The following CSMD1 variants were observed in gnomAD, a reference collection of about 807,000 sequenced individuals.
CSMD1 encodes CUB and sushi domain-containing protein 1.
CSMD1 carries 213 observed loss-of-function variants against 417.5 expected under a neutral mutation model. That is an observed-to-expected ratio of 0.51 (90% CI 0.46 to 0.57). CSMD1 has a LOEUF of 0.57. Ranked by LOEUF, CSMD1 falls within the 20% of genes least tolerant of loss-of-function variation. The probability of loss-of-function intolerance (pLI) is 0.00; values close to 1 mark genes in which losing one functional copy is unlikely to be tolerated. For synonymous variants in CSMD1, 2,862 were observed against 1,736.8 expected (o/e 1.65, Z -16.11); for missense variants, 6,923 against 4,529.7 (o/e 1.53, Z -15.17).
chr8:3,029,301 G>T lies in CSMD1; in HGVS notation c.7855+18C>A. 1 of 1,573,916 alleles carries T rather than the reference G, an allele frequency of 6.4e-7. No individual in the cohort carries two copies. The highest frequency in any genetic ancestry group is 1.2e-5 in the South Asian group (1 of 85,584). On this transcript the variant is annotated intron_variant, in intron 51 of 69. Coordinates refer to ENST00000635120, the MANE Select transcript of CSMD1 (RefSeq NM_033225.6). Reference sequence around the variant, plus strand: ...CTAGGATGCCGTGACTTTCAGGGGTGCCTCCCTCATCACTTACCTCGACAG... The same window carrying T: ...CTAGGATGCCGTGACTTTCAGGGGTTCCTCCCTCATCACTTACCTCGACAG...
chr8:4,426,747 G>A (rs953333792), intron 2 of CSMD1, among the ~76,000 whole-genome samples: 1 of 146,400 alleles, frequency 6.8e-6, no homozygotes, highest in African/African-American at 2.5e-5. Flanking sequence ...ATACAATATA[G>A]TAATATAGTA....
chr8:3,503,482 C>G (rs1010751112), intron 10 of CSMD1, among the ~76,000 whole-genome samples: 4 of 152,234 alleles, frequency 2.6e-5, no homozygotes, highest in African/African-American at 9.6e-5. Flanking sequence ...GGGACGGCGG[C>G]ATCAGCTGGC....
At chr8:3,911,019 G>A (rs541199473) in intron 5 of CSMD1, among the ~76,000 whole-genome samples, 16 of 152,262 alleles carry the variant, frequency 1.1e-4, no homozygotes, top group Non-Finnish European at 2.2e-4. Flanking sequence ...TTATTCAGGG[G>A]CTGCCCAGCT....
At chr8:4,913,093 C>A (rs528930630) in intron 1 of CSMD1, among the ~76,000 whole-genome samples, 1 of 152,086 alleles carries the variant, frequency 6.6e-6, no homozygotes, top group East Asian at 1.9e-4. Flanking sequence ...GTGGCCAGCA[C>A]CAGCTGCTTT....
intron 1 of CSMD1, among the ~76,000 whole-genome samples, chr8:4,922,258 A>G (rs564854777): frequency 6.6e-6 from 1 of 152,232 alleles, no homozygotes; most frequent in South Asian, 2.1e-4. Flanking sequence ...GATGATACGT[A>G]CACTGAATGT....
chr8:2,952,812 G>A (rs1208512009), intron 65 of CSMD1, among the ~76,000 whole-genome samples: 1 of 152,166 alleles, frequency 6.6e-6, no homozygotes, highest in Non-Finnish European at 1.5e-5. Context: ...GGTAGGGTAA[G>A]ATACAACCAA....
At chr8:4,675,106 G>C (rs1805592137) in intron 1 of CSMD1, among the ~76,000 whole-genome samples, 2 of 152,188 alleles carry the variant, frequency 1.3e-5, no homozygotes, top group South Asian at 2.1e-4. Flanking sequence ...CCAATCCATG[G>C]TATTTTGTTA....
At chr8:4,925,585 C>G (rs1028444979) in intron 1 of CSMD1, among the ~76,000 whole-genome samples, 4 of 148,756 alleles carry the variant, frequency 2.7e-5, no homozygotes, top group African/African-American at 7.4e-5. Flanking sequence ...CTCGCTCTGT[C>G]TCCCAGGCTG....
chr8:3,552,310 A>T (rs1322455963), intron 10 of CSMD1, among the ~76,000 whole-genome samples: 1 of 152,154 alleles, frequency 6.6e-6, no homozygotes, highest in Non-Finnish European at 1.5e-5. Flanking sequence ...GGCATGAAAA[A>T]ATAAGGTCAG....
At chr8:4,483,281 T>G (rs1221543601) in intron 2 of CSMD1, among the ~76,000 whole-genome samples, 1 of 152,198 alleles carries the variant, frequency 6.6e-6, no homozygotes, top group Non-Finnish European at 1.5e-5. Flanking sequence ...GTGAGTCCAA[T>G]AAACCTCTTT....
At chr8:3,030,391 T>C (rs1002477620) in intron 50 of CSMD1, among the ~76,000 whole-genome samples, 12 of 152,042 alleles carry the variant, frequency 7.9e-5, no homozygotes, top group Non-Finnish European at 1.8e-4. Flanking sequence ...ATTGATCAAA[T>C]TGATTAATTT....
intron 26 of CSMD1, among the ~76,000 whole-genome samples, chr8:3,239,469 C>T (rs1799358004): frequency 6.6e-6 from 1 of 152,252 alleles, no homozygotes; most frequent in Admixed American, 6.5e-5. Context: ...TCTACCTAGA[C>T]CAAGAGGTAT....
chr8:2,967,825 T>C (rs1276087382), intron 57 of CSMD1, among the ~76,000 whole-genome samples: 1 of 151,648 alleles, frequency 6.6e-6, no homozygotes, highest in African/African-American at 2.4e-5. Flanking sequence ...GAGAAGTCAC[T>C]GTACTGGGAG....
At chr8:4,897,325 A>C (rs1804561647) in intron 1 of CSMD1, among the ~76,000 whole-genome samples, 2 of 152,118 alleles carry the variant, frequency 1.3e-5, no homozygotes, top group Non-Finnish European at 2.9e-5. Flanking sequence ...AGTTTTACCA[A>C]GTATGCCAAT....
intron 41 of CSMD1, among the ~76,000 whole-genome samples, chr8:3,129,773 G>A (rs958174863): frequency 7.2e-5 from 11 of 152,080 alleles, no homozygotes; most frequent in African/African-American, 2.4e-4. Flanking sequence ...CAGGTCACTT[G>A]AGGTCAGGAA....
intron 3 of CSMD1, among the ~76,000 whole-genome samples, chr8:4,240,317 C>T (rs989438898): frequency 6.6e-6 from 1 of 152,188 alleles, no homozygotes; most frequent in Non-Finnish European, 1.5e-5. Flanking sequence ...ACAAGTTAAA[C>T]TTCTGGTGTT....
intron 2 of CSMD1, among the ~76,000 whole-genome samples, chr8:4,463,241 C>T (rs1436967785): frequency 1.3e-5 from 2 of 152,090 alleles, no homozygotes; most frequent in African/African-American, 4.8e-5. Context: ...ACTGAGATAC[C>T]AGTTCATGTC....
chr8:4,068,211 G>A (rs1260391659), intron 3 of CSMD1, among the ~76,000 whole-genome samples: 2 of 152,316 alleles, frequency 1.3e-5, no homozygotes, highest in African/African-American at 2.4e-5. Flanking sequence ...AATCTTCCGT[G>A]CAGTGTTAAA....
intron 2 of CSMD1, among the ~76,000 whole-genome samples, chr8:4,442,118 A>C (rs932817309): frequency 1.3e-5 from 2 of 151,912 alleles, no homozygotes; most frequent in African/African-American, 4.8e-5. Context: ...ATCTCCTCCC[A>C]CTCTTATCTC....
Sources: allele counts gnomAD v4.1 joint callset (sites outside exome capture counted in the v4.1 genomes callset), GRCh38; gene constraint gnomAD v4.1.1; transcripts MANE v1.5; gene names NCBI Gene and HGNC (gene_info 2026-07-23, HGNC 2026-07-21).